WWP1: variants seen among roughly 807,000 people sequenced by gnomAD.
The protein encoded by WWP1 is NEDD4-like E3 ubiquitin-protein ligase WWP1.
In WWP1, 49 loss-of-function variants were observed where a neutral mutation model predicts 130.6. The observed-to-expected ratio is 0.38, with a 90% CI of 0.30 to 0.48. The LOEUF is 0.48. Ranked by LOEUF, WWP1 falls within the 20% of genes least tolerant of loss-of-function variation. WWP1 has a pLI of 0.99. For missense variants in WWP1, 809 were observed against 1,100.6 expected (o/e 0.74, Z 3.75); for synonymous variants, 332 against 367.8 (o/e 0.90, Z 1.11).
At chr8:86,378,324 T>C (rs1304457181) in intron 3 of WWP1, among the ~76,000 whole-genome samples, 3 of 152,126 alleles carry the variant, frequency 2.0e-5, no homozygotes, top group Non-Finnish European at 4.4e-5. Context: ...GAATATATCA[T>C]ATCATTTTTT....
intron 18 of WWP1, among the ~76,000 whole-genome samples, chr8:86,446,597 A>G (rs1810895822): frequency 6.6e-6 from 1 of 152,170 alleles, no homozygotes; most frequent in African/African-American, 2.4e-5. Context: ...TAATAGTTTT[A>G]GGTCTTACAT....
At chr8:86,356,171 A>G (rs1267105640) in intron 1 of WWP1, among the ~76,000 whole-genome samples, 1 of 151,844 alleles carries the variant, frequency 6.6e-6, no homozygotes, top group Non-Finnish European at 1.5e-5. Flanking sequence ...CCGTGTTTTA[A>G]GACTGGCTGT....
At chr8:86,458,089 TA>T in intron 22 of WWP1, 64 bp downstream of exon 22, 1 of 1,326,144 alleles carries the variant, frequency 7.5e-7, no homozygotes, top group Non-Finnish European at 1.1e-6. Context: ...ATGGTGGTTT[TA>T]AAAATAGCTT....
intron 1 of WWP1, among the ~76,000 whole-genome samples, chr8:86,357,351 A>G (rs1358330299): frequency 6.6e-6 from 1 of 152,096 alleles, no homozygotes; most frequent in East Asian, 1.9e-4. Context: ...TTCTTTTTTT[A>G]TATGACTGCT....
chr8:86,466,736 CTA>C, intron 24 of WWP1, 56 bp from the exon 25 acceptor site: 1 of 1,172,650 alleles, frequency 8.5e-7, no homozygotes, highest in Non-Finnish European at 1.2e-6. Flanking sequence ...GAAAAGTATT[CTA>C]TTAGATTTTT....
intron 14 of WWP1, among the ~76,000 whole-genome samples, chr8:86,432,153 C>G (rs1378641061): frequency 6.6e-6 from 1 of 152,162 alleles, no homozygotes; most frequent in Non-Finnish European, 1.5e-5. Context: ...CTCTTAACTG[C>G]CACATCACAC....
intron 1 of WWP1, among the ~76,000 whole-genome samples, chr8:86,352,224 A>T (rs1822975238): frequency 1.4e-5 from 1 of 73,450 alleles, no homozygotes; most frequent in African/African-American, 3.0e-5. Flanking sequence ...TTTTATTTTT[A>T]TTTATTTATT....
At chr8:86,415,672 G>A (rs2130591321) in intron 9 of WWP1, among the ~76,000 whole-genome samples, 1 of 152,266 alleles carries the variant, frequency 6.6e-6, no homozygotes, top group African/African-American at 2.4e-5. Flanking sequence ...TTGTGATTCT[G>A]AGGCAATCAA....
chr8:86,453,230 A>T (rs992334433), intron 21 of WWP1, among the ~76,000 whole-genome samples: 1 of 151,930 alleles, frequency 6.6e-6, no homozygotes, highest in Non-Finnish European at 1.5e-5. Context: ...CTACCCTTCT[A>T]CTTTGTTTCT....
intron 9 of WWP1, among the ~76,000 whole-genome samples, chr8:86,416,255 A>G (rs1372132407): frequency 2.0e-5 from 3 of 152,320 alleles, no homozygotes; most frequent in Admixed American, 6.5e-5. Context: ...CTAATGTAGA[A>G]AACTCTTTCT....
At chr8:86,421,287 T>C (rs1809186408) in intron 9 of WWP1, among the ~76,000 whole-genome samples, 2 of 152,190 alleles carry the variant, frequency 1.3e-5, no homozygotes, top group Admixed American at 1.3e-4. Flanking sequence ...CTTGGGAATC[T>C]TTATGGTTAC....
At chr8:86,388,365 C>T (rs1204018691) in intron 5 of WWP1, among the ~76,000 whole-genome samples, 2 of 152,044 alleles carry the variant, frequency 1.3e-5, no homozygotes, top group African/African-American at 4.8e-5. Context: ...AGCGATCCTC[C>T]CACCACAGTC....
At chr8:86,357,199 A>C (rs1823313710) in intron 1 of WWP1, among the ~76,000 whole-genome samples, 1 of 152,218 alleles carries the variant, frequency 6.6e-6, no homozygotes, top group African/African-American at 2.4e-5. Context: ...ATTCTCATTT[A>C]ATAAGAAAAC....
At chr8:86,465,522 G>T (rs13252046) in intron 24 of WWP1, among the ~76,000 whole-genome samples, 40,935 of 151,884 alleles carry the variant, frequency 0.27, 6,367 homozygotes, top group East Asian at 0.53. Context: ...GCCACTCCAG[G>T]GACTGAGGTG....
intron 8 of WWP1, among the ~76,000 whole-genome samples, chr8:86,407,858 G>A (rs1361156007): frequency 1.3e-5 from 2 of 152,074 alleles, no homozygotes; most frequent in East Asian, 1.9e-4. Flanking sequence ...TTACTGTGAT[G>A]TTTGTTACAA....
chr8:86,370,860 T>A, intron 2 of WWP1, among the ~76,000 whole-genome samples: 1 of 96,136 alleles, frequency 1.0e-5, no homozygotes, highest in African/African-American at 4.8e-5. Flanking sequence ...TCATTCTTTT[T>A]TTTTTTTTTT....
At position 86,428,355 on chromosome 8, in the gene WWP1, G is replaced by A. The variant is rs555932022; in HGVS notation, c.1332+538G>A. ...ATTGGTGATTTACTTATTGCCATAA[G>A]CAAACATCCGTGAGAGGAGTGGAAA... On this transcript the variant is annotated intron_variant, in intron 11 of 24. Coordinates refer to ENST00000517970, the MANE Select transcript of WWP1 (RefSeq NM_007013.4). 3.3e-5 allele frequency among the ~76,000 whole-genome samples: 5 copies of A among 152,158 alleles called. No homozygotes were observed. In the South Asian group the frequency reaches 8.3e-4, roughly 25 times the overall value.
intron 3 of WWP1, among the ~76,000 whole-genome samples, chr8:86,376,074 CA>C (rs1173756685): frequency 6.6e-6 from 1 of 152,206 alleles, no homozygotes; most frequent in African/African-American, 2.4e-5. Context: ...ATTTTTGAAA[CA>C]GTTCTGATGA....
At chr8:86,441,384 C>A (rs1180557988) in intron 17 of WWP1, among the ~76,000 whole-genome samples, 1 of 152,202 alleles carries the variant, frequency 6.6e-6, no homozygotes, top group African/African-American at 2.4e-5. Context: ...TCCTTCTCTA[C>A]CCTTCAGGCA....
Sources: gnomAD v4.1 joint callset for allele counts (sites outside exome capture counted in the v4.1 genomes callset) on GRCh38, gnomAD v4.1.1 for gene constraint, MANE v1.5 for transcripts, NCBI Gene and HGNC (gene_info 2026-07-23, HGNC 2026-07-21) for gene names.